CDH4: variants seen among roughly 807,000 people sequenced by gnomAD.
CDH4 encodes cadherin-4.
Under a neutral mutation model 86.0 loss-of-function variants are expected in CDH4, and 33 were observed. The ratio of observed to expected loss-of-function variants is 0.38; its 90% CI spans 0.29 to 0.51. The LOEUF (loss-of-function observed/expected upper bound fraction) is 0.51, where lower values mean the gene tolerates loss of function less well. Ranked by LOEUF, CDH4 falls within the 20% of genes least tolerant of loss-of-function variation. CDH4 has a pLI of 0.86. For missense variants in CDH4, 1,114 were observed against 1,307.4 expected (o/e 0.85, Z 2.28); for synonymous variants, 555 against 549.4 (o/e 1.01, Z -0.14).
intron 2 of CDH4, among the ~76,000 whole-genome samples, chr20:61,279,096 G>A (rs1306191531): frequency 2.0e-5 from 3 of 152,216 alleles, no homozygotes; most frequent in Non-Finnish European, 4.4e-5. Flanking sequence ...GAGAAGCCAA[G>A]TAGGCATGAC....
At chr20:61,611,700 C>T (rs537644841) in intron 2 of CDH4, among the ~76,000 whole-genome samples, 80 of 152,270 alleles carry the variant, frequency 5.3e-4, no homozygotes, top group African/African-American at 1.9e-3. Flanking sequence ...GTTGCACGCT[C>T]AGGCCAAACG....
chr20:61,320,379 C>T (rs971138509), intron 2 of CDH4, among the ~76,000 whole-genome samples: 3 of 152,090 alleles, frequency 2.0e-5, no homozygotes, highest in African/African-American at 7.2e-5. Flanking sequence ...GGGCTCACAG[C>T]CTGGTGGGCA....
chr20:61,828,858 G>A (rs1981450142), intron 4 of CDH4, among the ~76,000 whole-genome samples: 1 of 152,236 alleles, frequency 6.6e-6, no homozygotes, highest in African/African-American at 2.4e-5. Context: ...CTGGTTTCCT[G>A]GAAGACAATT....
chr20:61,371,566 C>T (rs1350545719), intron 2 of CDH4, among the ~76,000 whole-genome samples: 3 of 152,248 alleles, frequency 2.0e-5, no homozygotes, highest in African/African-American at 4.8e-5. Flanking sequence ...GGCTTCTCAG[C>T]CTTTCAGCTC....
At chr20:61,537,596 A>G (rs1409426967) in intron 2 of CDH4, among the ~76,000 whole-genome samples, 2 of 152,220 alleles carry the variant, frequency 1.3e-5, no homozygotes, top group Admixed American at 1.3e-4. Context: ...CTAGAACTCA[A>G]GGAGCCAGGA....
Position 61,495,399 on chromosome 20 carries a change from G to A in CDH4, c.169+240462G>A, listed in dbSNP as rs201922844. Among the ~76,000 whole-genome samples, 55 of 152,124 alleles carry A rather than the reference G, an allele frequency of 3.6e-4. No homozygotes were observed. The East Asian group carries it at 7.0e-3, about 19-fold the overall frequency. ...CATGGAGCCTGGAACCCCTCCCCCC[G>A]CCGCCAGCCCCCCGCTTATCCTGAG... On this transcript the variant is annotated intron_variant, in intron 2 of 15. Transcript: ENST00000614565.
intron 2 of CDH4, among the ~76,000 whole-genome samples, chr20:61,479,698 G>T (rs2085558608): frequency 6.6e-6 from 1 of 152,114 alleles, no homozygotes; most frequent in African/African-American, 2.4e-5. Flanking sequence ...GTTTTATTTG[G>T]TTCTTTGGGG....
chr20:61,814,446 C>G (rs774588608), intron 4 of CDH4, among the ~76,000 whole-genome samples: 10 of 152,206 alleles, frequency 6.6e-5, no homozygotes, highest in Non-Finnish European at 1.3e-4. Context: ...GCTGCGGCCG[C>G]TCGACGACGA....
intron 2 of CDH4, among the ~76,000 whole-genome samples, chr20:61,411,181 A>G (rs2085117419): frequency 6.6e-6 from 1 of 151,728 alleles, no homozygotes; most frequent in African/African-American, 2.4e-5. Context: ...TAGGTATTCC[A>G]TGACCAACAA....
At position 61,367,867 on chromosome 20, in the gene CDH4, C is replaced by CTTTT. The variant is rs372521090; in HGVS notation, c.169+112948_169+112951dup. Among the ~76,000 whole-genome samples the CTTTT allele has an allele frequency of 1.3e-4, 16 of 119,068 alleles. 2 individuals carry two copies. Among genetic ancestry groups the CTTTT allele is most frequent in the East Asian group, 2.4e-4 (1 of 4,254 alleles). 78.1% of individuals were successfully genotyped at this position (119,068 alleles called of 152,430 possible). Reference sequence around the variant, plus strand: ...GCCTGGAAATGCCTTTCTCCAGGATCTTTTTTTTTTTTTTTTTTTTTGAGA... The same window carrying CTTTT: ...GCCTGGAAATGCCTTTCTCCAGGATCTTTTTTTTTTTTTTTTTTTTTTTTTGAGA... On this transcript the variant is annotated intron_variant, in intron 2 of 15. Coordinates refer to ENST00000614565, the MANE Select transcript of CDH4 (RefSeq NM_001794.5).
intron 4 of CDH4, among the ~76,000 whole-genome samples, chr20:61,775,341 A>T (rs925309277): frequency 1.3e-5 from 2 of 151,008 alleles, no homozygotes; most frequent in Non-Finnish European, 2.9e-5. Context: ...GCGGGCTTCC[A>T]TCATGCTCTT....
intron 2 of CDH4, among the ~76,000 whole-genome samples, chr20:61,450,146 C>G (rs922399129): frequency 3.9e-5 from 6 of 152,214 alleles, no homozygotes; most frequent in African/African-American, 1.4e-4. Context: ...TTTAAGTCTT[C>G]TTGAATGACC....
chr20:61,549,824 G>A (rs2086114590), intron 2 of CDH4, among the ~76,000 whole-genome samples: 1 of 152,224 alleles, frequency 6.6e-6, no homozygotes, highest in Admixed American at 6.5e-5. Context: ...TCACAAAGAG[G>A]ATGCCAGGAC....
intron 2 of CDH4, among the ~76,000 whole-genome samples, chr20:61,732,130 G>A (rs973165551): frequency 2.0e-4 from 30 of 152,216 alleles, no homozygotes; most frequent in Non-Finnish European, 4.1e-4. Flanking sequence ...TGGCTCGAGT[G>A]CATTACTCAG....
chr20:61,822,561 C>T (rs922151795), intron 4 of CDH4, among the ~76,000 whole-genome samples: 9 of 152,262 alleles, frequency 5.9e-5, no homozygotes, highest in Admixed American at 2.0e-4. Flanking sequence ...CACAGCCACA[C>T]GGCAGGGAGG....
intron 2 of CDH4, among the ~76,000 whole-genome samples, chr20:61,574,723 G>A (rs989773276): frequency 1.3e-5 from 2 of 152,084 alleles, no homozygotes; most frequent in Admixed American, 1.3e-4. Flanking sequence ...CCACAGGTTG[G>A]GGGAGTCACA....
At chr20:61,593,776 A>G in intron 2 of CDH4, among the ~76,000 whole-genome samples, 1 of 151,670 alleles carries the variant, frequency 6.6e-6, no homozygotes, top group Non-Finnish European at 1.5e-5. Flanking sequence ...AGATTCTTGG[A>G]CATAGTAGAA....
At chr20:61,691,351 T>G (rs540138030) in intron 2 of CDH4, among the ~76,000 whole-genome samples, 2 of 148,926 alleles carry the variant, frequency 1.3e-5, no homozygotes, top group East Asian at 4.0e-4. Flanking sequence ...GTGTGTGTAT[T>G]TTTGTGTGTG....
At chr20:61,361,315 TGAG>T (rs1021466890) in intron 2 of CDH4, among the ~76,000 whole-genome samples, 1 of 151,882 alleles carries the variant, frequency 6.6e-6, no homozygotes, top group African/African-American at 2.4e-5. Flanking sequence ...TGGGGGAGGA[TGAG>T]GAGGTATTAT....
Sources: gnomAD v4.1 joint callset for allele counts (sites outside exome capture counted in the v4.1 genomes callset) on GRCh38, gnomAD v4.1.1 for gene constraint, MANE v1.5 for transcripts, NCBI Gene and HGNC (gene_info 2026-07-23, HGNC 2026-07-21) for gene names.